TULP4: variants seen among roughly 807,000 people sequenced by gnomAD.
The protein encoded by TULP4 is tubby-related protein 4.
A neutral mutation model predicts 129.0 loss-of-function variants in TULP4; 16 were observed. The observed-to-expected ratio is 0.12, with a 90% CI of 0.08 to 0.19. The LOEUF (loss-of-function observed/expected upper bound fraction) is 0.19, where lower values mean the gene tolerates loss of function less well. Among genes scored for constraint, TULP4 ranks in the 10% least tolerant of loss-of-function variants. TULP4 has a pLI of 1.00. For synonymous variants in TULP4, 998 were observed against 854.0 expected (o/e 1.17, Z -2.94); for missense variants, 1,842 against 2,059.1 (o/e 0.89, Z 2.04).
chr6:158,352,984 A>G lies in TULP4; in HGVS notation c.252+38716A>G, dbSNP rs144677043. Among the ~76,000 whole-genome samples, 56 of 152,306 alleles carry G rather than the reference A, an allele frequency of 3.7e-4. No homozygotes were observed. The East Asian group carries it at 9.8e-3, about 27-fold the overall frequency. On this transcript the variant is annotated intron_variant, in intron 1 of 13. Transcript: ENST00000367097. ...TATTTGTGTCTACTTAATTTTTCTG[A>G]TAAATTTTACAATCATTTTTTATTC...
intron 1 of TULP4, among the ~76,000 whole-genome samples, chr6:158,294,604 C>T (rs1485812999): frequency 6.6e-6 from 1 of 152,128 alleles, no homozygotes; most frequent in Non-Finnish European, 1.5e-5. Flanking sequence ...AGTCAGCCTC[C>T]CAGGAGGAGA....
At position 158,453,947 on chromosome 6, in the gene TULP4, C is replaced by T. The variant is rs969408654; in HGVS notation, c.859+1679C>T. 4.0e-5 allele frequency among the ~76,000 whole-genome samples: 6 copies of T among 149,824 alleles called. No individual in the cohort carries two copies. In the East Asian group the frequency reaches 9.7e-4, roughly 24 times the overall value. ...CGGCCTGGGCAACAGAGGGAGACTC[C>T]GTCTCAAAAAAAAAAAGAATCAAGT... On this transcript the variant is annotated intron_variant, in intron 5 of 13. Transcript: ENST00000367097.
intron 1 of TULP4, among the ~76,000 whole-genome samples, chr6:158,349,030 C>G (rs868449178): frequency 1.9e-5 from 1 of 51,764 alleles, no homozygotes; most frequent in South Asian, 5.9e-4. Flanking sequence ...ACGGGGCAGC[C>G]GGGCAGAGGC....
intron 5 of TULP4, among the ~76,000 whole-genome samples, chr6:158,454,697 C>T (rs1325865760): frequency 6.6e-6 from 1 of 152,042 alleles, no homozygotes; most frequent in African/African-American, 2.4e-5. Context: ...CTTCTGCCTC[C>T]CAGTTTCAAG....
At chr6:158,429,491 G>T (rs1778582531) in intron 2 of TULP4, among the ~76,000 whole-genome samples, 1 of 152,126 alleles carries the variant, frequency 6.6e-6, no homozygotes, top group Admixed American at 6.5e-5. Flanking sequence ...TTTTGTCTAG[G>T]CTGGGCTCGA....
At chr6:158,456,029 AG>A (rs1425502536) in intron 5 of TULP4, among the ~76,000 whole-genome samples, 1 of 152,162 alleles carries the variant, frequency 6.6e-6, no homozygotes, top group Non-Finnish European at 1.5e-5. Flanking sequence ...CATGGAAAGG[AG>A]GGAAATGGGG....
chr6:158,389,754 C>T (rs1583826004), intron 1 of TULP4, among the ~76,000 whole-genome samples: 1 of 152,140 alleles, frequency 6.6e-6, no homozygotes, highest in African/African-American at 2.4e-5. Context: ...CCAGTCATTC[C>T]TCCCAGACAT....
Position 158,328,121 on chromosome 6 carries a change from T to TGC in TULP4, c.252+13854_252+13855insCG, listed in dbSNP as rs1244390822. On this transcript the variant is annotated intron_variant, in intron 1 of 13. Coordinates refer to ENST00000367097, the MANE Select transcript of TULP4 (RefSeq NM_020245.5). ...GTGTGTGTGTGTGTGTGTGTGTGTG[T>TGC]GTGTGTGCGTGCGTGCTGGGAAAGA... 7.4e-5 allele frequency among the ~76,000 whole-genome samples: 6 copies of TGC among 81,542 alleles called. No homozygotes were observed. In the South Asian group the frequency reaches 1.2e-3, roughly 16 times the overall value. The allele number at this position is 81,542 out of a possible 152,430, so 53.5% of individuals were successfully genotyped here.
At chr6:158,372,825 A>G (rs1227862939) in intron 1 of TULP4, among the ~76,000 whole-genome samples, 1 of 152,176 alleles carries the variant, frequency 6.6e-6, no homozygotes, top group Non-Finnish European at 1.5e-5. Context: ...AATCTGCAAT[A>G]TATGGTTTTG....
At chr6:158,411,053 C>T (rs923018064) in intron 1 of TULP4, among the ~76,000 whole-genome samples, 2 of 142,608 alleles carry the variant, frequency 1.4e-5, no homozygotes, top group Non-Finnish European at 3.0e-5. Context: ...GAGGGAGCTG[C>T]GGTGGCTCCA....
chr6:158,357,731 G>A (rs1241476850), intron 1 of TULP4, among the ~76,000 whole-genome samples: 1 of 152,210 alleles, frequency 6.6e-6, no homozygotes, highest in Non-Finnish European at 1.5e-5. Flanking sequence ...GCTGGCCCAG[G>A]CTTGCCCTCT....
At chr6:158,371,649 C>T (rs1008396473) in intron 1 of TULP4, among the ~76,000 whole-genome samples, 23 of 152,138 alleles carry the variant, frequency 1.5e-4, no homozygotes, top group Admixed American at 1.4e-3. Flanking sequence ...GTCTTTTGTT[C>T]CTTAAAGTGG....
intron 6 of TULP4, among the ~76,000 whole-genome samples, chr6:158,473,210 C>T (rs894945044): frequency 5.3e-5 from 8 of 152,146 alleles, no homozygotes; most frequent in Non-Finnish European, 8.8e-5. Flanking sequence ...GAGGCGAATC[C>T]TATAGCAAAA....
intron 1 of TULP4, among the ~76,000 whole-genome samples, chr6:158,330,546 G>T (rs1322560548): frequency 6.6e-6 from 1 of 152,182 alleles, no homozygotes; most frequent in Non-Finnish European, 1.5e-5. Flanking sequence ...TCATTTGAGA[G>T]TGTACATCTT....
Position 158,502,720 on chromosome 6 carries a change from C to CG in TULP4, c.3064dup (p.Val1022GlyfsTer80), listed in dbSNP as rs752011727. The CG allele has an allele frequency of 7.0e-6, 11 of 1,565,138 alleles. No homozygotes were observed. The highest frequency in any genetic ancestry group is 2.3e-5 in the East Asian group (1 of 44,214). On this transcript the variant is annotated frameshift_variant, in exon 13 of 14. Coordinates refer to ENST00000367097, the MANE Select transcript of TULP4 (RefSeq NM_020245.5). LOFTEE classifies it high-confidence loss of function. The stretch of plus-strand genomic sequence containing the variant: ...CCCTGGCCAAGTCCAAGGGCGGGCC[C>CG]GGGGGGGTGGTGACACAGCTCCCAG...
At chr6:158,470,147 C>G (rs547604553) in intron 6 of TULP4, among the ~76,000 whole-genome samples, 86 of 152,358 alleles carry the variant, frequency 5.6e-4, no homozygotes, top group African/African-American at 2.0e-3. Flanking sequence ...AAGCCTTTAG[C>G]CTGATCGGGA....
At chr6:158,412,763 A>G (rs1035824106) in intron 1 of TULP4, among the ~76,000 whole-genome samples, 2 of 152,184 alleles carry the variant, frequency 1.3e-5, no homozygotes, top group Admixed American at 6.5e-5. Context: ...GGACTAGCAG[A>G]TGAAGGACCA....
chr6:158,234,840 T>G (rs1378812322), intron 1 of TULP4, among the ~76,000 whole-genome samples: 1 of 152,256 alleles, frequency 6.6e-6, no homozygotes, highest in African/African-American at 2.4e-5. Context: ...CTAAACATAC[T>G]AATTTTTTGT....
At chr6:158,392,105 C>T (rs965050298) in intron 1 of TULP4, among the ~76,000 whole-genome samples, 3 of 152,200 alleles carry the variant, frequency 2.0e-5, no homozygotes, top group East Asian at 1.9e-4. Context: ...TTCCACATGG[C>T]TAGGGAGGCC....
Sources: allele counts gnomAD v4.1 joint callset (sites outside exome capture counted in the v4.1 genomes callset), GRCh38; gene constraint gnomAD v4.1.1; transcripts MANE v1.5; gene names NCBI Gene and HGNC (gene_info 2026-07-23, HGNC 2026-07-21).